The following NAP1L4 variants were observed in gnomAD, a reference collection of about 807,000 sequenced individuals.
NAP1L4 encodes nucleosome assembly protein 1-like 4.
NAP1L4 carries 15 observed loss-of-function variants against 58.2 expected under a neutral mutation model. The observed-to-expected ratio is 0.26, with a 90% CI of 0.17 to 0.40. The LOEUF (loss-of-function observed/expected upper bound fraction) is 0.40, where lower values mean the gene tolerates loss of function less well. NAP1L4 is among the 10% of genes least tolerant of loss of function. The pLI, the probability that NAP1L4 is intolerant of heterozygous loss-of-function variation, is 1.00. For missense variants in NAP1L4, 384 were observed against 451.1 expected (o/e 0.85, Z 1.35); for synonymous variants, 171 against 155.6 (o/e 1.10, Z -0.74).
intron 10 of NAP1L4, among the ~76,000 whole-genome samples, chr11:2,957,750 A>C (rs186314202): frequency 5.9e-5 from 9 of 152,364 alleles, no homozygotes; most frequent in Admixed American, 2.0e-4. Context: ...AAAAATAAAT[A>C]AATAAACAAA....
rs566092693 is a variant in NAP1L4 at position 2,962,608 on chromosome 11, T to G, written c.606+2072A>C. ...TTTACTTTTAGAAGACAGATTTGTATAGTGTTCTTTACACTTGCCTGTATT... is the reference window on the plus strand; with the variant it reads ...TTTACTTTTAGAAGACAGATTTGTAGAGTGTTCTTTACACTTGCCTGTATT... On this transcript the variant is annotated intron_variant, in intron 8 of 15. Transcript: ENST00000380542. Among the ~76,000 whole-genome samples the G allele has an allele frequency of 2.6e-5, 4 of 152,302 alleles. No homozygotes were observed. In the South Asian group the frequency reaches 8.3e-4, roughly 32 times the overall value.
In NAP1L4 at chr11:2,954,469, C is replaced by G; in HGVS notation, c.1035+58G>C. 6.2e-7 allele frequency: 1 copy of G among 1,611,762 alleles called. No homozygotes were observed. The highest frequency in any genetic ancestry group is 8.5e-7 in the Non-Finnish European group (1 of 1,178,068). On this transcript the variant is annotated intron_variant, in intron 12 of 15. Transcript: ENST00000380542. The surrounding 1 kb of genome is among the most constrained non-coding windows in gnomAD (Gnocchi z 4.8). The stretch of plus-strand genomic sequence containing the variant: ...TTTCCTAAGCCACAATTCAGGGCCA[C>G]TCTGCACCAACAGAGATAAGCACCC...
At chr11:2,960,188 G>A (rs1445292699) in intron 8 of NAP1L4, 2 of 307,410 alleles carry the variant, frequency 6.5e-6, no homozygotes, top group Non-Finnish European at 1.2e-5. Context: ...AGAAATCCTA[G>A]CTTCTCTTAG....
intron 8 of NAP1L4, chr11:2,963,982 T>C (rs1272810626): frequency 4.1e-6 from 2 of 482,242 alleles, no homozygotes; most frequent in South Asian, 1.5e-5. Context: ...AGGGCTGACC[T>C]AGTCAAGCTT....
At chr11:2,963,414 G>T (rs114503930) in intron 8 of NAP1L4, among the ~76,000 whole-genome samples, 1,536 of 152,286 alleles carry the variant, frequency 0.01, 20 homozygotes, top group African/African-American at 0.035. Context: ...CCCACATGGG[G>T]CAAGGAAGAT....
At chr11:2,974,434 A>G (rs180670765) in intron 4 of NAP1L4, among the ~76,000 whole-genome samples, 1 of 152,292 alleles carries the variant, frequency 6.6e-6, no homozygotes, top group African/African-American at 2.4e-5. Flanking sequence ...CCACCAACCC[A>G]GTTTCTAAAG....
At chr11:2,986,484 A>C (rs1219293448) in intron 1 of NAP1L4, among the ~76,000 whole-genome samples, 2 of 152,162 alleles carry the variant, frequency 1.3e-5, no homozygotes, top group African/African-American at 4.8e-5. Context: ...ACTCTGTCTT[A>C]ATAAACTCAA....
chr11:2,984,322 C>G lies in NAP1L4; in HGVS notation c.-17-5085G>C, dbSNP rs368432678. The stretch of plus-strand genomic sequence containing the variant: ...GTGTGGTGGCTCCCACCTGTAATCC[C>G]AGTACTTTGGGAGGCCGAGGCGAGC... On this transcript the variant is annotated intron_variant, in intron 1 of 15. Coordinates refer to ENST00000380542, the MANE Select transcript of NAP1L4 (RefSeq NM_005969.4). Among the ~76,000 whole-genome samples, 40 of 152,208 alleles carry G rather than the reference C, an allele frequency of 2.6e-4. 1 individual carries two copies. The South Asian group carries it at 8.3e-3, about 32-fold the overall frequency.
intron 9 of NAP1L4, 142 bp from the exon 10 acceptor site, chr11:2,958,686 T>C (rs1477849455): frequency 1.2e-6 from 1 of 804,116 alleles, no homozygotes; most frequent in South Asian, 1.9e-5. Flanking sequence ...CAATGGCCCA[T>C]GAAGTTCATC....
At chr11:2,983,742 C>CCCTATCACAGATAGA (rs1848460842) in intron 1 of NAP1L4, 1 of 152,034 alleles carries the variant, frequency 6.6e-6, no homozygotes, top group Non-Finnish European at 1.5e-5. Context: ...GTTTCAAATC[C>CCCTATCACAGATAGA]TACCCCTATC....
intron 5 of NAP1L4, 87 bp downstream of exon 5, chr11:2,972,015 T>C: frequency 1.5e-6 from 2 of 1,345,512 alleles, no homozygotes; most frequent in Non-Finnish European, 2.0e-6. Flanking sequence ...TTACCCTAGA[T>C]GTTGTCAACT....
At position 2,958,544 on chromosome 11, in the gene NAP1L4, C is replaced by T; in HGVS notation, c.747G>A (p.Gly249=). The change falls in exon 10 of 16, where the codon GGG becomes GGA. Residue 249 remains glycine, a splice_region_variant and synonymous_variant. Coordinates refer to ENST00000380542, the MANE Select transcript of NAP1L4 (RefSeq NM_005969.4). ...TTCCTTTCTTCCAGTCAATAGTACA[C>T]CTACCAGGACAAGACAGCTGTCAGG... ...FEGPEIVDCD[G]CTIDWKKGKN... 1 of 1,612,640 alleles carries T rather than the reference C, an allele frequency of 6.2e-7. No homozygotes were observed. Among genetic ancestry groups the T allele is most frequent in the Non-Finnish European group, 8.5e-7 (1 of 1,179,572 alleles).
chr11:2,950,903 T>G (rs1846190129), intron 14 of NAP1L4: 1 of 208,376 alleles, frequency 4.8e-6, no homozygotes. Context: ...AGTCCCTTCT[T>G]TGCACCTTTT....
At chr11:2,980,470 G>C (rs1308433872) in intron 1 of NAP1L4, among the ~76,000 whole-genome samples, 5 of 152,176 alleles carry the variant, frequency 3.3e-5, no homozygotes, top group Non-Finnish European at 7.3e-5. Flanking sequence ...ACAGGTGTGA[G>C]TCAACACGCC....
chr11:2,960,801 C>G (rs1389727411), intron 8 of NAP1L4, among the ~76,000 whole-genome samples: 2 of 152,186 alleles, frequency 1.3e-5, no homozygotes, highest in African/African-American at 4.8e-5. Context: ...TCGATATGTG[C>G]AAAGACATTG....
At position 2,955,359 on chromosome 11, in the gene NAP1L4, C is replaced by A. The variant is rs1220147108; in HGVS notation, c.915+385G>T. 6.8e-6 allele frequency among the ~76,000 whole-genome samples: 1 copy of A among 147,912 alleles called. No individual in the cohort carries two copies. Among genetic ancestry groups the A allele is most frequent in the African/African-American group, 2.7e-5 (1 of 37,576 alleles). ...TTACAGGCGCTGCCACCGTGTCCAA[C>A]TAATTTTTTTTTTTTTTGGTATTTT... On this transcript the variant is annotated intron_variant, in intron 11 of 15. Coordinates refer to ENST00000380542, the MANE Select transcript of NAP1L4 (RefSeq NM_005969.4). This position sits in a 1 kb window ranked among gnomAD's most constrained non-coding sequence, Gnocchi z 4.2.
intron 8 of NAP1L4, among the ~76,000 whole-genome samples, chr11:2,963,271 C>A (rs1045739642): frequency 6.6e-6 from 1 of 152,050 alleles, no homozygotes; most frequent in African/African-American, 2.4e-5. Flanking sequence ...AAGCACCGCA[C>A]GCTCACACCA....
rs560010894 is a variant in NAP1L4 at position 2,967,527 on chromosome 11, C to T, written c.534+2276G>A. ...TCGGGAGGCTGAGGCAGGAGAATGGCGTGAACCCAGGAGGTGGAGCTTACA... is the reference window on the plus strand; with the variant it reads ...TCGGGAGGCTGAGGCAGGAGAATGGTGTGAACCCAGGAGGTGGAGCTTACA... On this transcript the variant is annotated intron_variant, in intron 7 of 15. Transcript: ENST00000380542. Among the ~76,000 whole-genome samples the T allele has an allele frequency of 5.3e-5, 8 of 150,708 alleles. No homozygotes were observed. In the East Asian group the frequency reaches 7.8e-4, roughly 15 times the overall value.
At chr11:2,975,054 G>A (rs1319196024) in intron 4 of NAP1L4, among the ~76,000 whole-genome samples, 1 of 151,664 alleles carries the variant, frequency 6.6e-6, no homozygotes, top group Non-Finnish European at 1.5e-5. Context: ...AATAGCCCTG[G>A]CAGTCCTGAC....
Sources: allele counts gnomAD v4.1 joint callset (sites outside exome capture counted in the v4.1 genomes callset), GRCh38; gene constraint gnomAD v4.1.1; non-coding constraint Gnocchi (gnomAD v3.1); transcripts MANE v1.5; gene names NCBI Gene and HGNC (gene_info 2026-07-23, HGNC 2026-07-21).